The following CHRNA7 variants were observed in gnomAD, a reference collection of about 807,000 sequenced individuals.
The protein encoded by CHRNA7 is cholinergic receptor nicotinic alpha 7 subunit.
A neutral mutation model predicts 48.0 loss-of-function variants in CHRNA7; 17 were observed. The observed-to-expected ratio is 0.35, with a 90% CI of 0.24 to 0.53. The LOEUF (loss-of-function observed/expected upper bound fraction) is 0.53, where lower values mean the gene tolerates loss of function less well. Among genes scored for constraint, CHRNA7 ranks in the 20% least tolerant of loss-of-function variants. The pLI is 0.92. For synonymous variants in CHRNA7, 75 were observed against 242.3 expected (o/e 0.31, Z 6.41); for missense variants, 155 against 577.7 (o/e 0.27, Z 7.50).
At chr15:32,132,364 A>G (rs2051171408) in intron 4 of CHRNA7, among the ~76,000 whole-genome samples, 1 of 152,256 alleles carries the variant, frequency 6.6e-6, no homozygotes, top group Non-Finnish European at 1.5e-5. Context: ...TCTGCCTGTC[A>G]CAAAGGTGTG....
intron 2 of CHRNA7, among the ~76,000 whole-genome samples, chr15:32,087,696 T>C (rs1365682711): frequency 6.6e-6 from 1 of 152,232 alleles, no homozygotes; most frequent in East Asian, 1.9e-4. Context: ...ATCCATTTAC[T>C]TAACTGTTCG....
intron 3 of CHRNA7, among the ~76,000 whole-genome samples, chr15:32,110,081 A>G (rs1185461802): frequency 1.3e-5 from 2 of 152,208 alleles, no homozygotes; most frequent in African/African-American, 2.4e-5. Context: ...CCTGTGTGGT[A>G]ATAATGGTGA....
intron 4 of CHRNA7, among the ~76,000 whole-genome samples, chr15:32,152,864 A>C (rs563700737): frequency 3.8e-4 from 58 of 152,154 alleles, no homozygotes; most frequent in Non-Finnish European, 6.9e-4. Flanking sequence ...AAAATAAAAG[A>C]CAAGGCTAGT....
At chr15:32,071,503 T>A (rs1163008736) in intron 2 of CHRNA7, among the ~76,000 whole-genome samples, 1 of 152,178 alleles carries the variant, frequency 6.6e-6, no homozygotes, top group African/African-American at 2.4e-5. Context: ...AGCCATTTGA[T>A]ATGGATTGTC....
chr15:32,072,021 A>G (rs2050066212), intron 2 of CHRNA7, among the ~76,000 whole-genome samples: 1 of 152,132 alleles, frequency 6.6e-6, no homozygotes, highest in African/African-American at 2.4e-5. Context: ...AGATTAGGGA[A>G]AGTTTGGAAC....
At chr15:32,097,214 C>A (rs1427575100) in intron 2 of CHRNA7, among the ~76,000 whole-genome samples, 1 of 152,180 alleles carries the variant, frequency 6.6e-6, no homozygotes. Flanking sequence ...GACTCTGCTC[C>A]TCCATGCCCT....
intron 2 of CHRNA7, among the ~76,000 whole-genome samples, chr15:32,082,563 A>C (rs1284272446): frequency 6.6e-6 from 1 of 152,226 alleles, no homozygotes; most frequent in African/African-American, 2.4e-5. Context: ...GGATCATAGA[A>C]TAGAACTTAA....
chr15:32,082,287 T>C (rs1262342481), intron 2 of CHRNA7, among the ~76,000 whole-genome samples: 1 of 152,160 alleles, frequency 6.6e-6, no homozygotes, highest in Non-Finnish European at 1.5e-5. Flanking sequence ...TCATGTACTT[T>C]TTCAACTCCA....
At chr15:32,074,637 A>ATTATTAT (rs2050107804) in intron 2 of CHRNA7, among the ~76,000 whole-genome samples, 5 of 141,770 alleles carry the variant, frequency 3.5e-5, no homozygotes, top group Non-Finnish European at 6.1e-5. Context: ...CACATTATTA[A>ATTATTAT]TATTATTATT....
At chr15:32,147,371 T>C (rs569096779) in intron 4 of CHRNA7, among the ~76,000 whole-genome samples, 1 of 152,160 alleles carries the variant, frequency 6.6e-6, no homozygotes, top group African/African-American at 2.4e-5. Flanking sequence ...GTGACAAACA[T>C]GCACATGTAT....
chr15:32,081,564 C>T (rs1595424763), intron 2 of CHRNA7, among the ~76,000 whole-genome samples: 1 of 151,886 alleles, frequency 6.6e-6, no homozygotes, highest in Non-Finnish European at 1.5e-5. Flanking sequence ...AGTCGTTTTT[C>T]TAGGTATTAT....
At chr15:32,048,647 G>C (rs1234410135) in intron 2 of CHRNA7, among the ~76,000 whole-genome samples, 1 of 151,242 alleles carries the variant, frequency 6.6e-6, no homozygotes, top group East Asian at 1.9e-4. Flanking sequence ...TTTTTTGAAG[G>C]GTTTTTTGTG....
chr15:32,137,450 C>A (rs545533968), intron 4 of CHRNA7, among the ~76,000 whole-genome samples: 1 of 151,782 alleles, frequency 6.6e-6, no homozygotes, highest in East Asian at 1.9e-4. Context: ...ATGTATATAT[C>A]TAATAAAATT....
chr15:32,032,771 G>A (rs1901905419), intron 2 of CHRNA7, among the ~76,000 whole-genome samples: 1 of 152,174 alleles, frequency 6.6e-6, no homozygotes, highest in Non-Finnish European at 1.5e-5. Flanking sequence ...TAGAGGAACA[G>A]GAGGAAGTCA....
intron 4 of CHRNA7, among the ~76,000 whole-genome samples, chr15:32,133,812 C>T (rs985977051): frequency 2.0e-5 from 3 of 152,134 alleles, no homozygotes; most frequent in Non-Finnish European, 4.4e-5. Flanking sequence ...CTCTGGGCAC[C>T]TGGCAGAATG....
At chr15:32,106,006 A>T (rs2050663261) in intron 3 of CHRNA7, among the ~76,000 whole-genome samples, 1 of 152,116 alleles carries the variant, frequency 6.6e-6, no homozygotes, top group Non-Finnish European at 1.5e-5. Context: ...CACAGCATGG[A>T]CATGAGGAAC....
At chr15:32,130,564 G>GT (rs1047101356) in intron 4 of CHRNA7, among the ~76,000 whole-genome samples, 9 of 149,224 alleles carry the variant, frequency 6.0e-5, no homozygotes, top group African/African-American at 2.2e-4. Flanking sequence ...TATATTCTTC[G>GT]TTTTTTCTTT....
At position 32,149,521 on chromosome 15, in the gene CHRNA7, C is replaced by T. The variant is rs1464264367; in HGVS notation, c.351-4386C>T. The stretch of plus-strand genomic sequence containing the variant: ...TCTTCAAACTCATCTTATCTCCACC[C>T]CTAATGCTCAAAACAGATAAAGTAG... On this transcript the variant is annotated intron_variant, in intron 4 of 9. Coordinates refer to ENST00000306901, the MANE Select transcript of CHRNA7 (RefSeq NM_000746.6). The surrounding 1 kb of genome is among the most constrained non-coding windows in gnomAD (Gnocchi z 4.6). 1.3e-5 allele frequency among the ~76,000 whole-genome samples: 2 copies of T among 152,202 alleles called. No homozygotes were observed. Among genetic ancestry groups the T allele is most frequent in the Non-Finnish European group, 2.9e-5 (2 of 68,038 alleles).
At chr15:32,137,666 C>T (rs1321344603) in intron 4 of CHRNA7, among the ~76,000 whole-genome samples, 1 of 152,172 alleles carries the variant, frequency 6.6e-6, no homozygotes, top group Admixed American at 6.5e-5. Flanking sequence ...CATCCTCATT[C>T]CACTAGAAAA....
Sources: gnomAD v4.1 joint callset for allele counts (sites outside exome capture counted in the v4.1 genomes callset) on GRCh38, gnomAD v4.1.1 for gene constraint, Gnocchi (gnomAD v3.1) non-coding constraint, MANE v1.5 for transcripts, NCBI Gene and HGNC (gene_info 2026-07-23, HGNC 2026-07-21) for gene names.